DLK2: variants seen among roughly 807,000 people sequenced by gnomAD.
DLK2 encodes protein delta homolog 2.
A neutral mutation model predicts 31.3 loss-of-function variants in DLK2; 9 were observed. The ratio of observed to expected loss-of-function variants is 0.29; its 90% confidence interval spans 0.17 to 0.50. DLK2 has a LOEUF of 0.50. Ranked by LOEUF, DLK2 falls within the 20% of genes least tolerant of loss-of-function variation. The pLI, the probability that DLK2 is intolerant of heterozygous loss-of-function variation, is 0.98. For synonymous variants in DLK2, 169 were observed against 201.2 expected (o/e 0.84, Z 1.35); for missense variants, 387 against 526.1 (o/e 0.74, Z 2.59).
At chr6:43,452,907 G>A in intron 4 of DLK2, 98 bp downstream of exon 4, 2 of 1,514,364 alleles carry the variant, frequency 1.3e-6, no homozygotes, top group Non-Finnish European at 1.8e-6. Context: ...TGTATTTGAG[G>A]GTTTGACAAG....
Position 43,450,649 on chromosome 6 carries a change from G to T in DLK2, c.1042C>A (p.His348Asn), listed in dbSNP as rs755602791. The change falls in exon 6 of 6, where the codon CAC becomes AAC. Residue 348 changes from histidine (H) to asparagine (N), a missense_variant. Coordinates refer to ENST00000372488, the MANE Select transcript of DLK2 (RefSeq NM_023932.4). The surrounding 1 kb of genome is among the most constrained non-coding windows in gnomAD (Gnocchi z 4.5). ...PPGPCCYPAPHYAPACQDQEC... is the reference protein window; with the variant it reads ...PPGPCCYPAPNYAPACQDQEC... Reference sequence around the variant, plus strand: ...TGGTCCTGGCACGCTGGAGCATAGTGTGGGGCAGGGTAGCAACAGGGTCCA... The same window carrying T: ...TGGTCCTGGCACGCTGGAGCATAGTTTGGGGCAGGGTAGCAACAGGGTCCA... 5 of 1,613,802 alleles carry T rather than the reference G, an allele frequency of 3.1e-6. No individual in the cohort carries two copies. Among genetic ancestry groups the T allele is most frequent in the Non-Finnish European group, 4.2e-6 (5 of 1,179,878 alleles).
chr6:43,451,150 G>A lies in DLK2; in HGVS notation c.541C>T (p.Arg181Trp), dbSNP rs143149140. 6.8e-5 allele frequency: 109 copies of A among 1,614,042 alleles called. No individual in the cohort carries two copies. The highest frequency in any genetic ancestry group is 8.7e-5 in the Non-Finnish European group (103 of 1,180,034). Residue 181 changes from arginine to tryptophan, a missense_variant, in exon 6 of 6, where the codon CGG (arginine) becomes TGG (tryptophan). Coordinates refer to ENST00000372488, the MANE Select transcript of DLK2 (RefSeq NM_023932.4). The surrounding 1 kb of genome is among the most constrained non-coding windows in gnomAD (Gnocchi z 4.4). ...CAGGTGGCACCGTTAGCACAAGGCC[G>A]CATCAGGCAGTCATCCACATTTACC... The part of the protein sequence containing the change: ...CEVNVDDCLM[R>W]PCANGATCLD...
intron 3 of DLK2, among the ~76,000 whole-genome samples, chr6:43,454,123 C>T (rs994284895): frequency 2.6e-5 from 4 of 152,188 alleles, no homozygotes; most frequent in Non-Finnish European, 4.4e-5. Flanking sequence ...TTTATCTTTC[C>T]ATTTCCTCAT....
rs1422975949 is a variant in DLK2, at chr6:43,450,660, T to C, written c.1031A>G (p.Tyr344Cys). 45 of 1,613,596 alleles carry C rather than the reference T, an allele frequency of 2.8e-5. No individual in the cohort carries two copies. The highest frequency in any genetic ancestry group is 3.7e-5 in the Non-Finnish European group (44 of 1,179,872). ...CGCTGGAGCATAGTGTGGGGCAGGG[T>C]AGCAACAGGGTCCAGGGGGGCAGAC... ...RGVCPPGPCC[Y>C]PAPHYAPACQ... Residue 344 changes from tyrosine (Y) to cysteine (C), a missense_variant, in exon 6 of 6, where the codon TAC (tyrosine) becomes TGC (cysteine). Transcript: ENST00000372488. The surrounding 1 kb of genome is among the most constrained non-coding windows in gnomAD (Gnocchi z 4.5).
chr6:43,451,999 G>T lies in DLK2; in HGVS notation c.357C>A (p.Cys119Ter). 1 of 1,614,214 alleles carries T rather than the reference G, an allele frequency of 6.2e-7. No homozygotes were observed. Among genetic ancestry groups the T allele is most frequent in the Non-Finnish European group, 8.5e-7 (1 of 1,180,032 alleles). ...AGTCACGCCCATGGAAGCCTGGTAA[G>T]CACACACAATGGTACTCACCGCCCC... is the stretch of plus-strand genomic sequence containing the variant. ...YDGGGEYHCV[C>*]LPGFHGRDCE... Residue 119 changes from cysteine to a stop codon, truncating the protein, a stop_gained, in exon 5 of 6, where the codon TGC (cysteine) becomes TGA (stop). Transcript: ENST00000372488. LOFTEE classifies it high-confidence loss of function. The surrounding 1 kb of genome is among the most constrained non-coding windows in gnomAD (Gnocchi z 4.4).
Position 43,453,566 on chromosome 6 carries a change from G to A in DLK2, c.141-431C>T, listed in dbSNP as rs186903760. Reference sequence around the variant, plus strand: ...CCAGCACTTTGGGAGGTCGAGGCAGGTGGATCACTTGAGGTCAGGAGTTCA... The same window carrying A: ...CCAGCACTTTGGGAGGTCGAGGCAGATGGATCACTTGAGGTCAGGAGTTCA... On this transcript the variant is annotated intron_variant, in intron 3 of 5. Transcript: ENST00000372488. The surrounding 1 kb of genome is among the most constrained non-coding windows in gnomAD (Gnocchi z 4.1). 1.3e-3 allele frequency among the ~76,000 whole-genome samples: 197 copies of A among 152,332 alleles called. 1 individual carries two copies. The highest frequency in any genetic ancestry group is 4.4e-3 in the African/African-American group (183 of 41,580).
rs2275667 is a variant in DLK2 at position 43,451,896 on chromosome 6, G to C, written c.416+44C>G. The C allele has an allele frequency of 6.2e-7, 1 of 1,610,340 alleles. No individual in the cohort carries two copies. Among genetic ancestry groups the C allele is most frequent in the South Asian group, 1.1e-5 (1 of 90,550 alleles). ...GCCTCTTTTCTCATCCCATCACCAG[G>C]TTCTGGTCTAACCTTCCACTCACCC... On this transcript the variant is annotated intron_variant, in intron 5 of 5. Transcript: ENST00000372488. The surrounding 1 kb of genome is among the most constrained non-coding windows in gnomAD (Gnocchi z 4.4).
At chr6:43,454,496 G>A (rs1474801376) in intron 2 of DLK2, 22 bp from the exon 3 acceptor site, 1 of 1,579,844 alleles carries the variant, frequency 6.3e-7, no homozygotes, top group Admixed American at 1.9e-5. Flanking sequence ...TGATGTGGGA[G>A]GGGTGAGTCT....
rs2127418747 is a variant in DLK2 at position 43,450,864 on chromosome 6, C to T, written c.827G>A (p.Gly276Glu). The T allele has an allele frequency of 7.4e-6, 12 of 1,614,172 alleles. No individual in the cohort carries two copies. The highest frequency in any genetic ancestry group is 3.3e-5 in the South Asian group (3 of 91,078). Residue 276 changes from glycine to glutamate, a missense_variant, in exon 6 of 6, where the codon GGG becomes GAG. Coordinates refer to ENST00000372488, the MANE Select transcript of DLK2 (RefSeq NM_023932.4). The surrounding 1 kb of genome is among the most constrained non-coding windows in gnomAD (Gnocchi z 4.5). ...AGCCCCTGCGCTGTGGGGGGCTGGCCCCGTGGCAGGTACCACTACAGCTGA... is the reference window on the plus strand; with the variant it reads ...AGCCCCTGCGCTGTGGGGGGCTGGCTCCGTGGCAGGTACCACTACAGCTGA... ...PTSAVVVPAT[G>E]PAPHSAGAGL...
intron 2 of DLK2, 122 bp downstream of exon 2, chr6:43,454,628 C>A: frequency 7.2e-7 from 1 of 1,392,942 alleles, no homozygotes; most frequent in Non-Finnish European, 9.8e-7. Flanking sequence ...AAAAAGGCAA[C>A]CTCGGTCTTG....
At chr6:43,452,741 T>C (rs922657557) in intron 4 of DLK2, among the ~76,000 whole-genome samples, 8 of 152,046 alleles carry the variant, frequency 5.3e-5, no homozygotes, top group African/African-American at 1.9e-4. Context: ...AACCTGACTT[T>C]GAGCAGGTTA....
At position 43,451,783 on chromosome 6, in the gene DLK2, G is replaced by A. The variant is rs1391017555; in HGVS notation, c.416+157C>T. 1 of 966,944 alleles carries A rather than the reference G, an allele frequency of 1.0e-6. No individual in the cohort carries two copies. Among genetic ancestry groups the A allele is most frequent in the African/African-American group, 1.8e-5 (1 of 56,792 alleles). The allele number at this position is 966,944 out of a possible 1,614,324, so 59.9% of individuals were successfully genotyped here. The stretch of plus-strand genomic sequence containing the variant: ...ACAAAAAAAAAAGTTGAGAAACCCT[G>A]AACTAGGAACACTTTGGCATGCAGG... On this transcript the variant is annotated intron_variant, in intron 5 of 5. Coordinates refer to ENST00000372488, the MANE Select transcript of DLK2 (RefSeq NM_023932.4). This position sits in a 1 kb window ranked among gnomAD's most constrained non-coding sequence, Gnocchi z 4.4.
intron 4 of DLK2, 117 bp from the exon 5 acceptor site, chr6:43,452,201 C>T: frequency 7.0e-7 from 1 of 1,438,736 alleles, no homozygotes; most frequent in East Asian, 2.4e-5. Flanking sequence ...ACAAACCCAG[C>T]CCAGGCTGGC....
At position 43,450,755 on chromosome 6, in the gene DLK2, C is replaced by T; in HGVS notation, c.936G>A (p.Val312=). ...CCAGGGCAGCAGTGAGGGCCCCAAA[C>T]ACCACCAGGGCCACCAAGCTAGGCT... ...LGEPSLVALV[V]FGALTAALVL... Residue 312 remains valine (V), a synonymous_variant, in exon 6 of 6, where the codon GTG becomes GTA. Transcript: ENST00000372488. This position sits in a 1 kb window ranked among gnomAD's most constrained non-coding sequence, Gnocchi z 4.5. 1.2e-6 allele frequency: 2 copies of T among 1,614,230 alleles called. No individual in the cohort carries two copies. The highest frequency in any genetic ancestry group is 1.7e-6 in the Non-Finnish European group (2 of 1,180,020).
chr6:43,455,122 C>A (rs973971253), intron 1 of DLK2: 52 of 982,120 alleles, frequency 5.3e-5, no homozygotes, highest in Admixed American at 1.2e-4. Context: ...CGAGGCCAGG[C>A]GCGGGAATGG....
In DLK2 at chr6:43,450,355, C is replaced by A. The variant is rs1783631435; in HGVS notation, c.*184G>T. The A allele has an allele frequency of 2.1e-6, 2 of 965,258 alleles. No individual in the cohort carries two copies. The highest frequency in any genetic ancestry group is 6.7e-5 in the Admixed American group (2 of 29,680). The allele number at this position is 965,258 out of a possible 1,614,324, so 59.8% of individuals were successfully genotyped here. On this transcript the variant is annotated 3_prime_UTR_variant, in exon 6 of 6. Transcript: ENST00000372488. The surrounding 1 kb of genome is among the most constrained non-coding windows in gnomAD (Gnocchi z 4.5). ...TTTTTCTGGCATAGGAGCCCACTTG[C>A]ATTTTCATAGTTTTATTTGATAAAA...
rs779705575 is a variant in DLK2, at chr6:43,451,144, A to G, written c.547T>C (p.Cys183Arg). 1 of 1,614,048 alleles carries G rather than the reference A, an allele frequency of 6.2e-7. No individual in the cohort carries two copies. Among genetic ancestry groups the G allele is most frequent in the Non-Finnish European group, 8.5e-7 (1 of 1,180,024 alleles). The change falls in exon 6 of 6, where the codon TGT becomes CGT. Residue 183 changes from cysteine (C) to arginine (R), a missense_variant. Physicochemically the swap from Cys to Arg is radical, Grantham distance 180. Transcript: ENST00000372488. The surrounding 1 kb of genome is among the most constrained non-coding windows in gnomAD (Gnocchi z 4.4). ...TCAAGGCAGGTGGCACCGTTAGCAC[A>G]AGGCCGCATCAGGCAGTCATCCACA... ...VNVDDCLMRP[C>R]ANGATCLDGI...
At chr6:43,454,720 C>A (rs373998628) in intron 2 of DLK2, 30 bp downstream of exon 2, 2 of 1,540,284 alleles carry the variant, frequency 1.3e-6, no homozygotes, top group African/African-American at 1.4e-5. Flanking sequence ...CTGGACAGGG[C>A]CGCGACTGGA....
In DLK2 at chr6:43,450,597, G is replaced by C; in HGVS notation, c.1094C>G (p.Ala365Gly). 6.3e-7 allele frequency: 1 copy of C among 1,596,808 alleles called. No individual in the cohort carries two copies. Among genetic ancestry groups the C allele is most frequent in the Non-Finnish European group, 8.5e-7 (1 of 1,169,732 alleles). ...CAAGTCACGTGGCAGGGGGAGCCCT[G>C]CTGGCAGCATGCTAACCTGACACTC... ...DQECQVSMLPAGLPLPRDLPP... is the reference protein window; with the variant it reads ...DQECQVSMLPGGLPLPRDLPP... The change falls in exon 6 of 6, where the codon GCA (alanine) becomes GGA (glycine). Residue 365 changes from alanine to glycine, a missense_variant. Transcript: ENST00000372488. The surrounding 1 kb of genome is among the most constrained non-coding windows in gnomAD (Gnocchi z 4.5).
Sources: allele counts gnomAD v4.1 joint callset (sites outside exome capture counted in the v4.1 genomes callset), GRCh38; gene constraint gnomAD v4.1.1; non-coding constraint Gnocchi (gnomAD v3.1); transcripts MANE v1.5; gene names NCBI Gene and HGNC (gene_info 2026-07-23, HGNC 2026-07-21).